Variants in RPGRIP1 observed in about 807,000 individuals in gnomAD.
RPGRIP1 encodes X-linked retinitis pigmentosa GTPase regulator-interacting protein 1.
RPGRIP1 carries 128 observed loss-of-function variants against 157.9 expected under a neutral mutation model. The ratio of observed to expected loss-of-function variants is 0.81; its 90% CI spans 0.70 to 0.94. The LOEUF is 0.94. RPGRIP1 is among the 40% of genes least tolerant of loss of function. RPGRIP1 has a pLI of 0.00. For missense variants in RPGRIP1, 1,486 were observed against 1,545.8 expected (o/e 0.96, Z 0.65); for synonymous variants, 554 against 571.6 (o/e 0.97, Z 0.44).
At chr14:21,288,777 G>C (rs1045476299) in intron 2 of RPGRIP1, among the ~76,000 whole-genome samples, 1 of 151,944 alleles carries the variant, frequency 6.6e-6, no homozygotes, top group Non-Finnish European at 1.5e-5. Flanking sequence ...GTCTCCCAAC[G>C]TGCTGGATTA....
At chr14:21,349,781 AT>A (rs1396662955) in intron 24 of RPGRIP1, among the ~76,000 whole-genome samples, 1 of 152,172 alleles carries the variant, frequency 6.6e-6, no homozygotes, top group Non-Finnish European at 1.5e-5. Flanking sequence ...TACATAATAC[AT>A]TTGATCACTG....
intron 14 of RPGRIP1, among the ~76,000 whole-genome samples, chr14:21,323,477 T>C (rs1882722044): frequency 6.6e-6 from 1 of 151,982 alleles, no homozygotes; most frequent in South Asian, 2.1e-4. Flanking sequence ...CCGTGATTTA[T>C]CCATGTCAGC....
intron 9 of RPGRIP1, among the ~76,000 whole-genome samples, chr14:21,312,193 C>T (rs1196059751): frequency 6.6e-6 from 1 of 152,160 alleles, no homozygotes; most frequent in Non-Finnish European, 1.5e-5. Flanking sequence ...TTTGCTGCTT[C>T]CCTAGCAGTA....
chr14:21,290,125 G>A (rs1880463627), intron 2 of RPGRIP1, among the ~76,000 whole-genome samples: 1 of 152,050 alleles, frequency 6.6e-6, no homozygotes, highest in Non-Finnish European at 1.5e-5. Flanking sequence ...CCAAAGTGCT[G>A]GGATTACAGG....
chr14:21,323,488 G>A (rs1368454070), intron 14 of RPGRIP1, among the ~76,000 whole-genome samples: 1 of 152,012 alleles, frequency 6.6e-6, no homozygotes, highest in East Asian at 1.9e-4. Context: ...CCATGTCAGC[G>A]TGAGTCTGAT....
chr14:21,307,594 ATACT>A, intron 6 of RPGRIP1, 133 bp from the exon 7 acceptor site: 1 of 623,314 alleles, frequency 1.6e-6, no homozygotes, highest in Non-Finnish European at 2.9e-6. Flanking sequence ...CATACACCAC[ATACT>A]TGTGTTCTAG....
Position 21,303,518 on chromosome 14 carries a change from T to C in RPGRIP1, c.775T>C (p.Cys259Arg). 4.3e-6 allele frequency: 7 copies of C among 1,613,622 alleles called. No homozygotes were observed. Among genetic ancestry groups the C allele is most frequent in the Non-Finnish European group, 5.1e-6 (6 of 1,179,784 alleles). ...ENFEQRSSLE[C>R]AQKAAELRAS... ...TTTTGAACAGAGAAGCTCATTGGAG[T>C]GTGCTCAGAAGGCTGCAGAGCTTCG... Residue 259 changes from cysteine (C) to arginine (R), a missense_variant, in exon 6 of 25, where the codon TGT becomes CGT. Transcript: ENST00000400017.
chr14:21,293,354 CA>C (rs904019163), intron 2 of RPGRIP1, among the ~76,000 whole-genome samples: 17 of 152,074 alleles, frequency 1.1e-4, no homozygotes, highest in Non-Finnish European at 2.2e-4. Context: ...TCTTGGAAAT[CA>C]AAAAAAGTTT....
chr14:21,345,887 T>C (rs923684048), intron 23 of RPGRIP1, among the ~76,000 whole-genome samples: 3 of 152,180 alleles, frequency 2.0e-5, no homozygotes, highest in Non-Finnish European at 4.4e-5. Context: ...TGGTACAATC[T>C]TGGCTCACTG....
At position 21,343,866 on chromosome 14, in the gene RPGRIP1, G is replaced by GTTTTTTTTTTTTT. The variant is rs67535379; in HGVS notation, c.3532+667_3532+679dup. Reference sequence around the variant, plus strand: ...TGATTTTTGTTCTTCCTCTTTTCCTGTTTTTTTTTTTTTTTTTTTTTTTTT... The same window carrying GTTTTTTTTTTTTT: ...TGATTTTTGTTCTTCCTCTTTTCCTGTTTTTTTTTTTTTTTTTTTTTTTTTTTTTTTTTTTTTT... On this transcript the variant is annotated intron_variant, in intron 22 of 24. Coordinates refer to ENST00000400017, the MANE Select transcript of RPGRIP1 (RefSeq NM_020366.4). 2.2e-4 allele frequency among the ~76,000 whole-genome samples: 11 copies of GTTTTTTTTTTTTT among 50,434 alleles called. 1 individual carries two copies. Among genetic ancestry groups the GTTTTTTTTTTTTT allele is most frequent in the African/African-American group, 4.6e-4 (6 of 13,030 alleles). The allele number at this position is 50,434 out of a possible 152,430, so 33.1% of individuals were successfully genotyped here. A position where few individuals can be genotyped will look rare whatever the true frequency, so the allele number is the denominator to read the frequency against.
chr14:21,301,074 G>A lies in RPGRIP1; in HGVS notation c.327G>A (p.Trp109Ter). 1 of 1,612,666 alleles carries A rather than the reference G, an allele frequency of 6.2e-7. No homozygotes were observed. ...CAAGGCGCGGGCAGAAGGCGGGATG[G>A]CGGCAGCGCCTCTCCATGCACCAGC... ...ETARRGQKAG[W>*]RQRLSMHQRP... Residue 109 changes from tryptophan to a stop codon, truncating the protein, a stop_gained, in exon 4 of 25, where the codon TGG becomes TGA. Transcript: ENST00000400017. LOFTEE classifies it high-confidence loss of function.
At chr14:21,298,330 T>G (rs903185497) in intron 3 of RPGRIP1, among the ~76,000 whole-genome samples, 4 of 151,962 alleles carry the variant, frequency 2.6e-5, no homozygotes, top group African/African-American at 9.7e-5. Flanking sequence ...TGAAACCCCG[T>G]CTCTTCTAAA....
chr14:21,294,620 A>C (rs1375572780), intron 2 of RPGRIP1, 57 bp from the exon 3 acceptor site: 3 of 1,562,654 alleles, frequency 1.9e-6, no homozygotes, highest in Admixed American at 3.5e-5. Flanking sequence ...AGACATCTAA[A>C]GGGTTCAAAA....
intron 14 of RPGRIP1, among the ~76,000 whole-genome samples, chr14:21,322,805 G>C (rs1240903201): frequency 6.6e-6 from 1 of 152,208 alleles, no homozygotes. Flanking sequence ...TGAGGATGCT[G>C]ACAGTGACAG....
chr14:21,324,350 C>T, intron 14 of RPGRIP1: 1 of 520,672 alleles, frequency 1.9e-6, no homozygotes, highest in Non-Finnish European at 3.5e-6. Flanking sequence ...ATAAAATGTG[C>T]CCCCAGTGTT....
At chr14:21,322,579 A>G (rs1566684971) in intron 14 of RPGRIP1, among the ~76,000 whole-genome samples, 1 of 152,116 alleles carries the variant, frequency 6.6e-6, no homozygotes, top group Admixed American at 6.6e-5. Flanking sequence ...CTGTTGTGAG[A>G]ATGAGTATCA....
At chr14:21,308,732 A>C (rs1198964330) in intron 7 of RPGRIP1, among the ~76,000 whole-genome samples, 7 of 152,204 alleles carry the variant, frequency 4.6e-5, no homozygotes, top group Non-Finnish European at 1.0e-4. Context: ...CAGAGGGAGA[A>C]GGACTCCAAA....
In RPGRIP1 at chr14:21,348,309, C is replaced by T; in HGVS notation, c.3748+7C>T. ...CTAGAGCAAGAGCTAGACAGTGAGT[C>T]ATTTTTTTTTCAGTTCTAATTATTT... is the stretch of plus-strand genomic sequence containing the variant. On this transcript the variant is annotated splice_region_variant and intron_variant, in intron 24 of 24. Coordinates refer to ENST00000400017, the MANE Select transcript of RPGRIP1 (RefSeq NM_020366.4). The T allele has an allele frequency of 1.3e-6, 2 of 1,543,508 alleles. No individual in the cohort carries two copies. Among genetic ancestry groups the T allele is most frequent in the South Asian group, 2.6e-5 (2 of 78,244 alleles).
intron 19 of RPGRIP1, among the ~76,000 whole-genome samples, chr14:21,328,979 A>T (rs1883415046): frequency 6.6e-6 from 1 of 152,088 alleles, no homozygotes; most frequent in African/African-American, 2.4e-5. Context: ...CCCTGTCTCT[A>T]CTAAAAATAC....
Sources: allele counts gnomAD v4.1 joint callset (sites outside exome capture counted in the v4.1 genomes callset), GRCh38; gene constraint gnomAD v4.1.1; transcripts MANE v1.5; gene names NCBI Gene and HGNC (gene_info 2026-07-23, HGNC 2026-07-21).